The following PXDN variants were observed in gnomAD, a reference collection of about 807,000 sequenced individuals.
PXDN encodes peroxidasin, also known as peroxidasin homolog.
In PXDN, 77 loss-of-function variants were observed where a neutral mutation model predicts 140.3. That is an observed-to-expected ratio of 0.55 (90% CI 0.46 to 0.66). The LOEUF is 0.66. Ranked by LOEUF, PXDN falls within the 30% of genes least tolerant of loss-of-function variation. The pLI is 0.00. For missense variants in PXDN, 1,838 were observed against 2,039.5 expected (o/e 0.90, Z 1.90); for synonymous variants, 911 against 857.4 (o/e 1.06, Z -1.09).
At chr2:1,655,288 CCACGCCACACATAACACATCACACA>C (rs1683103491) in intron 14 of PXDN, among the ~76,000 whole-genome samples, 1 of 151,130 alleles carries the variant, frequency 6.6e-6, no homozygotes, top group East Asian at 1.9e-4. Flanking sequence ...TAGAGACACA[CCACGCCACACATAACACATCACACA>C]CACGCCACAC....
At chr2:1,650,282 A>G (rs1161161318) in intron 16 of PXDN, among the ~76,000 whole-genome samples, 1 of 152,062 alleles carries the variant, frequency 6.6e-6, no homozygotes, top group East Asian at 1.9e-4. Context: ...ACTGATTTCC[A>G]TGGCACTGGC....
chr2:1,675,984 A>G (rs1372330646), intron 8 of PXDN, among the ~76,000 whole-genome samples: 1 of 152,166 alleles, frequency 6.6e-6, no homozygotes, highest in African/African-American at 2.4e-5. Context: ...AAGGTAGGAC[A>G]TGGTGGCTTT....
At chr2:1,721,989 C>T (rs1267968102) in intron 1 of PXDN, among the ~76,000 whole-genome samples, 1 of 151,984 alleles carries the variant, frequency 6.6e-6, no homozygotes, top group African/African-American at 2.4e-5. Flanking sequence ...GTTAGGAAGG[C>T]GAGAAAGGCA....
At chr2:1,693,497 G>A (rs924965418) in intron 1 of PXDN, among the ~76,000 whole-genome samples, 1 of 152,220 alleles carries the variant, frequency 6.6e-6, no homozygotes, top group African/African-American at 2.4e-5. Context: ...CACGCCACCT[G>A]TGCAACTGAG....
chr2:1,713,054 A>C (rs1257095684), intron 1 of PXDN, among the ~76,000 whole-genome samples: 9 of 152,110 alleles, frequency 5.9e-5, no homozygotes, highest in Non-Finnish European at 1.2e-4. Flanking sequence ...ATTTTTTCTT[A>C]AAAAGAATAC....
rs1225721435 is a variant in PXDN at position 1,683,858 on chromosome 2, G to C, written c.489-131C>G. 3.3e-6 allele frequency: 3 copies of C among 897,832 alleles called. No individual in the cohort carries two copies. The African/African-American group carries it at 5.2e-5, about 15-fold the overall frequency. 55.6% of individuals were successfully genotyped at this position (897,832 alleles called of 1,614,324 possible). A position where few individuals can be genotyped will look rare whatever the true frequency, so the allele number is the denominator to read the frequency against. The stretch of plus-strand genomic sequence containing the variant: ...GTGATTACATTTATTTAATACAAAT[G>C]AATCTGAAAACAAAAGAAATGGTTT... On this transcript the variant is annotated intron_variant, in intron 5 of 22. Coordinates refer to ENST00000252804, the MANE Select transcript of PXDN (RefSeq NM_012293.3).
chr2:1,680,117 A>AGATGGTGTATGTGTG lies in PXDN; in HGVS notation c.730+75_730+76insCACACATACACCATC. The AGATGGTGTATGTGTG allele has an allele frequency of 4.3e-6, 6 of 1,385,628 alleles. No homozygotes were observed. The South Asian group carries it at 8.3e-5, about 19-fold the overall frequency. 85.8% of individuals were successfully genotyped at this position (1,385,628 alleles called of 1,614,324 possible). A position where few individuals can be genotyped will look rare whatever the true frequency, so the allele number is the denominator to read the frequency against. On this transcript the variant is annotated intron_variant, in intron 7 of 22. Transcript: ENST00000252804. ...TGTGGTGTGTGGATGTTGTGTGTGT[A>AGATGGTGTATGTGTG]GATGGTGTGTGTGTGGATGGTGTGT...
At chr2:1,743,649 G>A (rs1685602680) in intron 1 of PXDN, among the ~76,000 whole-genome samples, 1 of 146,416 alleles carries the variant, frequency 6.8e-6, no homozygotes, top group Admixed American at 6.7e-5. Flanking sequence ...GAAGGAAGGG[G>A]GGGAGGAGGA....
At chr2:1,693,688 C>T (rs1460826401) in intron 1 of PXDN, among the ~76,000 whole-genome samples, 1 of 152,222 alleles carries the variant, frequency 6.6e-6, no homozygotes, top group Non-Finnish European at 1.5e-5. Flanking sequence ...CCTAATGGTT[C>T]CAAACAGGCA....
Position 1,649,363 on chromosome 2 carries a change from T to C in PXDN, c.2417A>G (p.Glu806Gly). 1.2e-6 allele frequency: 2 copies of C among 1,613,954 alleles called. No individual in the cohort carries two copies. Among genetic ancestry groups the C allele is most frequent in the East Asian group, 2.2e-5 (1 of 44,848 alleles). The change falls in exon 17 of 23, where the codon GAG becomes GGG. Residue 806 changes from glutamate to glycine, a missense_variant. By Grantham distance (98) the Glu-to-Gly change is moderately conservative (BLOSUM62 -2). This residue lies in a region of PXDN where 537 missense variants were observed against 583.9 expected (regional missense o/e 0.92). Coordinates refer to ENST00000252804, the MANE Select transcript of PXDN (RefSeq NM_012293.3). The surrounding 1 kb of genome is among the most constrained non-coding windows in gnomAD (Gnocchi z 7.1). The part of the protein sequence containing the change: ...RLVSTTLIGT[E>G]TVTPDEQFTH... ...GAACTGCTCGTCGGGTGTGACGGTC[T>C]CCGTCCCGATCAGGGTGGTGGACAC...
intron 1 of PXDN, among the ~76,000 whole-genome samples, chr2:1,715,149 G>A (rs1684866107): frequency 6.6e-6 from 1 of 152,036 alleles, no homozygotes; most frequent in Non-Finnish European, 1.5e-5. Flanking sequence ...GAAAAACTTG[G>A]CCAGTTTTGC....
At chr2:1,722,469 C>T (rs1163226064) in intron 1 of PXDN, among the ~76,000 whole-genome samples, 1 of 152,214 alleles carries the variant, frequency 6.6e-6, no homozygotes, top group Non-Finnish European at 1.5e-5. Context: ...GGCTGTGATC[C>T]TCAGAAGAAC....
At chr2:1,654,369 G>C in intron 15 of PXDN, 31 bp downstream of exon 15, 1 of 1,483,978 alleles carries the variant, frequency 6.7e-7, no homozygotes, top group African/African-American at 1.4e-5. Context: ...TCAGTGATTT[G>C]AGGGTCAGCG....
rs887924076 is a variant in PXDN at position 1,648,154 on chromosome 2, A to G, written c.3608+18T>C. 1.2e-5 allele frequency: 20 copies of G among 1,605,360 alleles called. No homozygotes were observed. Among genetic ancestry groups the G allele is most frequent in the Non-Finnish European group, 1.6e-5 (19 of 1,174,090 alleles). The stretch of plus-strand genomic sequence containing the variant: ...TGCCTAGGTACACGAGCCATCCCAC[A>G]CAGCCTCTTCAGCTCACCTTTTCAG... On this transcript the variant is annotated intron_variant, in intron 17 of 22. Transcript: ENST00000252804. This position sits in a 1 kb window ranked among gnomAD's most constrained non-coding sequence, Gnocchi z 8.9.
intron 1 of PXDN, among the ~76,000 whole-genome samples, chr2:1,700,655 C>T (rs1382060521): frequency 6.6e-6 from 1 of 151,932 alleles, no homozygotes; most frequent in East Asian, 1.9e-4. Context: ...GGGTGGATCA[C>T]TTGAGGTCAG....
chr2:1,635,786 G>A, intron 21 of PXDN: 1 of 458,450 alleles, frequency 2.2e-6, no homozygotes, highest in South Asian at 2.1e-5. Context: ...GAGGACTGTG[G>A]GAGCAAGATT....
chr2:1,643,444 C>A lies in PXDN; in HGVS notation c.3876G>T (p.Ala1292=). 1 of 1,613,968 alleles carries A rather than the reference C, an allele frequency of 6.2e-7. No homozygotes were observed. Among genetic ancestry groups the A allele is most frequent in the Non-Finnish European group, 8.5e-7 (1 of 1,179,896 alleles). The change falls in exon 19 of 23, where the codon GCG becomes GCT. Residue 1292 remains alanine, a synonymous_variant. Transcript: ENST00000252804. ...AGCTGCCGTAGCCGTGAGGGAACTC[C>A]GCCACCCTGAACACGTCGCTCTGCA... ...TRVQSDVFRV[A]EFPHGYGSCD...
intron 1 of PXDN, among the ~76,000 whole-genome samples, chr2:1,698,790 G>T (rs1032193961): frequency 6.6e-6 from 1 of 152,090 alleles, no homozygotes; most frequent in Non-Finnish European, 1.5e-5. Flanking sequence ...AGGGAACGTC[G>T]ACGCCAACAC....
chr2:1,707,417 A>T (rs7568628), intron 1 of PXDN, among the ~76,000 whole-genome samples: 6,080 of 67,666 alleles, frequency 0.09, 808 homozygotes, highest in African/African-American at 0.22. Context: ...AATAATACAA[A>T]CTGAGAGCAT....
Sources: gnomAD v4.1 joint callset for allele counts (sites outside exome capture counted in the v4.1 genomes callset) on GRCh38, gnomAD v4.1.1 for gene constraint, gnomAD v4.1.1 regional missense constraint, Gnocchi (gnomAD v3.1) non-coding constraint, MANE v1.5 for transcripts, NCBI Gene and HGNC (gene_info 2026-07-23, HGNC 2026-07-21) for gene names.